The following GABRB1 variants were observed in gnomAD, a reference collection of about 807,000 sequenced individuals.
The protein encoded by GABRB1 is gamma-aminobutyric acid type A receptor subunit beta1, also known as gamma-aminobutyric acid receptor subunit beta-1.
In GABRB1, 17 loss-of-function variants were observed where a neutral mutation model predicts 51.6. The ratio of observed to expected loss-of-function variants is 0.33; its 90% CI spans 0.23 to 0.49. The LOEUF is 0.49. Ranked by LOEUF, GABRB1 falls within the 20% of genes least tolerant of loss-of-function variation. The probability of loss-of-function intolerance (pLI) is 0.99; values close to 1 mark genes in which losing one functional copy is unlikely to be tolerated. For missense variants in GABRB1, 410 were observed against 600.6 expected, an observed-to-expected ratio of 0.68 and a Z score of 3.32; for synonymous variants, 247 against 218.9, an observed-to-expected ratio of 1.13 and a Z score of -1.14.
intron 4 of GABRB1, among the ~76,000 whole-genome samples, chr4:47,231,425 T>A (rs189962973): frequency 6.6e-6 from 1 of 152,176 alleles, no homozygotes; most frequent in Non-Finnish European, 1.5e-5. Context: ...TAGTTTCCAA[T>A]GATCCTGAAA....
intron 3 of GABRB1, among the ~76,000 whole-genome samples, chr4:47,058,067 T>G (rs999178809): frequency 5.9e-5 from 9 of 152,170 alleles, no homozygotes; most frequent in African/African-American, 2.2e-4. Flanking sequence ...ATCTACCACC[T>G]GAAGAGGCTG....
intron 8 of GABRB1, among the ~76,000 whole-genome samples, chr4:47,423,231 G>A (rs551109247): frequency 6.6e-6 from 1 of 152,246 alleles, no homozygotes; most frequent in African/African-American, 2.4e-5. Context: ...CAACTTTAAG[G>A]AAAGACAAAA....
chr4:47,275,075 C>A (rs922601418), intron 4 of GABRB1, among the ~76,000 whole-genome samples: 1 of 152,094 alleles, frequency 6.6e-6, no homozygotes, highest in Admixed American at 6.6e-5. Context: ...TCCAATTAAG[C>A]CAATGGGTAG....
At chr4:47,094,825 A>C (rs943278134) in intron 3 of GABRB1, among the ~76,000 whole-genome samples, 35 of 152,174 alleles carry the variant, frequency 2.3e-4, no homozygotes, top group African/African-American at 7.0e-4. Flanking sequence ...AAACAGGTAC[A>C]AAGACTGAGG....
At chr4:47,008,074 A>G (rs1577819797) in intron 1 of GABRB1, among the ~76,000 whole-genome samples, 1 of 151,956 alleles carries the variant, frequency 6.6e-6, no homozygotes, top group Non-Finnish European at 1.5e-5. Context: ...GTGGCAGTGG[A>G]GATAGAAATA....
At chr4:47,354,306 G>A (rs997181839) in intron 5 of GABRB1, among the ~76,000 whole-genome samples, 4 of 152,230 alleles carry the variant, frequency 2.6e-5, no homozygotes, top group African/African-American at 9.6e-5. Flanking sequence ...TACTGTTCAC[G>A]TTTTTATAAC....
At chr4:47,258,408 A>G (rs961042635) in intron 4 of GABRB1, among the ~76,000 whole-genome samples, 1 of 152,178 alleles carries the variant, frequency 6.6e-6, no homozygotes, top group African/African-American at 2.4e-5. Flanking sequence ...ACCATTTAAC[A>G]TTTAAATATA....
At chr4:47,112,684 A>C (rs1459407745) in intron 3 of GABRB1, among the ~76,000 whole-genome samples, 1 of 152,084 alleles carries the variant, frequency 6.6e-6, no homozygotes, top group Non-Finnish European at 1.5e-5. Context: ...TCATCCATTC[A>C]TTTACTCATT....
At chr4:47,213,834 GT>G (rs750792064) in intron 4 of GABRB1, among the ~76,000 whole-genome samples, 19,692 of 144,268 alleles carry the variant, frequency 0.14, 1,369 homozygotes, top group Non-Finnish European at 0.16. Flanking sequence ...TTCTGAAACA[GT>G]TTTTTTTTTT....
chr4:47,307,745 A>C (rs1724521590), intron 4 of GABRB1, among the ~76,000 whole-genome samples: 1 of 151,978 alleles, frequency 6.6e-6, no homozygotes, highest in Admixed American at 6.6e-5. Flanking sequence ...ATATTCTTTT[A>C]GTCATAAGTT....
intron 5 of GABRB1, among the ~76,000 whole-genome samples, chr4:47,357,731 A>G (rs1017354679): frequency 2.0e-5 from 3 of 152,152 alleles, no homozygotes; most frequent in Non-Finnish European, 2.9e-5. Flanking sequence ...GCAGTGAGGT[A>G]TTCCTGAGAC....
intron 4 of GABRB1, among the ~76,000 whole-genome samples, chr4:47,173,319 T>A (rs1452460181): frequency 6.6e-6 from 1 of 152,190 alleles, no homozygotes; most frequent in Non-Finnish European, 1.5e-5. Flanking sequence ...TAAGGTGTTA[T>A]CACCGTATAT....
intron 4 of GABRB1, among the ~76,000 whole-genome samples, chr4:47,219,189 A>G (rs572160958): frequency 1.3e-4 from 19 of 151,992 alleles, no homozygotes; most frequent in African/African-American, 3.6e-4. Flanking sequence ...AAAATGTTGT[A>G]TGTCATATTA....
chr4:47,235,795 T>G (rs1304745791), intron 4 of GABRB1, among the ~76,000 whole-genome samples: 1 of 152,116 alleles, frequency 6.6e-6, no homozygotes, highest in Non-Finnish European at 1.5e-5. Flanking sequence ...TATTTAAAAA[T>G]TTTTAAACGA....
Position 47,177,606 on chromosome 4 carries a change from G to C in GABRB1, c.461+16137G>C, listed in dbSNP as rs142911718. Among the ~76,000 whole-genome samples, 775 of 152,110 alleles carry C rather than the reference G, an allele frequency of 5.1e-3. 5 individuals carry two copies. The highest frequency in any genetic ancestry group is 0.018 in the South Asian group (86 of 4,828). On this transcript the variant is annotated intron_variant, in intron 4 of 8. Coordinates refer to ENST00000295454, the MANE Select transcript of GABRB1 (RefSeq NM_000812.4). ...AAATGGAACCAATGACTTGTTACTA[G>C]TGTCTCTTCAGAGGTAGGTAACCTG... is the stretch of plus-strand genomic sequence containing the variant.
intron 3 of GABRB1, among the ~76,000 whole-genome samples, chr4:47,132,518 G>T (rs893630202): frequency 2.0e-5 from 3 of 151,758 alleles, no homozygotes; most frequent in African/African-American, 7.3e-5. Context: ...TTTGTTTTTA[G>T]TTCAAGATGG....
At chr4:47,263,767 G>T (rs1266808087) in intron 4 of GABRB1, among the ~76,000 whole-genome samples, 1 of 152,130 alleles carries the variant, frequency 6.6e-6, no homozygotes, top group Non-Finnish European at 1.5e-5. Context: ...AGAAGGAAAA[G>T]CTAAATTCTT....
intron 4 of GABRB1, among the ~76,000 whole-genome samples, chr4:47,183,417 G>A (rs1230107254): frequency 1.4e-5 from 2 of 140,936 alleles, no homozygotes; most frequent in African/African-American, 5.3e-5. Flanking sequence ...TACTGGTTTA[G>A]CACATTTATT....
At chr4:47,009,166 A>T (rs910494429) in intron 1 of GABRB1, among the ~76,000 whole-genome samples, 1 of 150,322 alleles carries the variant, frequency 6.7e-6, no homozygotes, top group African/African-American at 2.4e-5. Context: ...GCCCGGCCAG[A>T]TACTACATTT....
Sources: gnomAD v4.1 joint callset for allele counts (sites outside exome capture counted in the v4.1 genomes callset) on GRCh38, gnomAD v4.1.1 for gene constraint, MANE v1.5 for transcripts, NCBI Gene and HGNC (gene_info 2026-07-23, HGNC 2026-07-21) for gene names.